Variants in CDK15 observed in about 807,000 individuals in gnomAD.
CDK15 encodes the protein cyclin dependent kinase 15.
Under a neutral mutation model 60.3 loss-of-function variants are expected in CDK15, and 62 were observed. That is an observed-to-expected ratio of 1.03 (90% CI 0.84 to 1.27). The LOEUF (loss-of-function observed/expected upper bound fraction) is 1.27, where lower values mean the gene tolerates loss of function less well. CDK15 is among the 50% of genes most tolerant of loss of function. The probability of loss-of-function intolerance (pLI) is 0.00; values close to 1 mark genes in which losing one functional copy is unlikely to be tolerated. For missense variants in CDK15, 541 were observed against 527.8 expected, an observed-to-expected ratio of 1.03 and a Z score of -0.25; for synonymous variants, 194 against 195.7, an observed-to-expected ratio of 0.99 and a Z score of 0.07.
At chr2:201,891,850 A>G (rs1325876909) in intron 13 of CDK15, among the ~76,000 whole-genome samples, 1 of 152,082 alleles carries the variant, frequency 6.6e-6, no homozygotes, top group Non-Finnish European at 1.5e-5. Context: ...ATTCCAAACC[A>G]CAAGCATTAT....
At chr2:201,890,742 C>T (rs1699615039) in intron 12 of CDK15, 43 bp from the exon 13 acceptor site, 1 of 1,454,100 alleles carries the variant, frequency 6.9e-7, no homozygotes, top group South Asian at 1.2e-5. Context: ...CAGAAGATCC[C>T]AGGAAATAAC....
chr2:201,839,324 C>T (rs1226342164), intron 8 of CDK15, among the ~76,000 whole-genome samples: 1 of 152,084 alleles, frequency 6.6e-6, no homozygotes, highest in African/African-American at 2.4e-5. Context: ...CTGACCTGTA[C>T]TTATTGGAAG....
rs539378637 is a variant in CDK15, at chr2:201,852,738, G to T, written c.946-2136G>T. ...TCAGTTTCCCAGACAGTGAAGGAGA[G>T]ATTTAGTAATTTTCTCAAGTGAAAA... On this transcript the variant is annotated intron_variant, in intron 9 of 13. Coordinates refer to ENST00000652192, the MANE Select transcript of CDK15 (RefSeq NM_001366386.2). 8.5e-5 allele frequency among the ~76,000 whole-genome samples: 13 copies of T among 152,266 alleles called. No individual in the cohort carries two copies. The East Asian group carries it at 2.3e-3, about 27-fold the overall frequency.
chr2:201,834,043 A>T, intron 7 of CDK15, 72 bp downstream of exon 7: 1 of 1,549,390 alleles, frequency 6.5e-7, no homozygotes, highest in Non-Finnish European at 8.7e-7. Flanking sequence ...TTAAGCGTTG[A>T]CTGGGCCTGG....
intron 10 of CDK15, chr2:201,861,168 G>C: frequency 9.8e-7 from 1 of 1,023,706 alleles, no homozygotes; most frequent in Non-Finnish European, 1.2e-6. Context: ...ACTTGAGGAA[G>C]TTACTTATTT....
At chr2:201,852,266 T>C (rs1333690759) in intron 9 of CDK15, among the ~76,000 whole-genome samples, 1 of 152,232 alleles carries the variant, frequency 6.6e-6, no homozygotes, top group Non-Finnish European at 1.5e-5. Flanking sequence ...CTTCAGAATC[T>C]GTGATATTTG....
chr2:201,890,289 C>T (rs1203899645), intron 12 of CDK15, among the ~76,000 whole-genome samples: 1 of 152,164 alleles, frequency 6.6e-6, no homozygotes, highest in East Asian at 1.9e-4. Context: ...CTTGCAGTTC[C>T]CTCAAACACT....
intron 4 of CDK15, among the ~76,000 whole-genome samples, chr2:201,817,346 T>C (rs989499927): frequency 7.2e-5 from 11 of 152,248 alleles, no homozygotes; most frequent in Admixed American, 4.6e-4. Flanking sequence ...TGGTATCTCA[T>C]TGAGGTTTTG....
At chr2:201,885,591 G>A (rs1488092339) in intron 12 of CDK15, among the ~76,000 whole-genome samples, 1 of 152,198 alleles carries the variant, frequency 6.6e-6, no homozygotes, top group Non-Finnish European at 1.5e-5. Flanking sequence ...CGTGGTTTAT[G>A]GGGTTGCATA....
intron 6 of CDK15, among the ~76,000 whole-genome samples, chr2:201,829,791 T>G (rs1287212703): frequency 6.6e-6 from 1 of 151,726 alleles, no homozygotes; most frequent in Non-Finnish European, 1.5e-5. Flanking sequence ...TATGTTTTAT[T>G]TTTTAATTTT....
chr2:201,859,612 T>C (rs1698299684), intron 10 of CDK15, among the ~76,000 whole-genome samples: 2 of 152,170 alleles, frequency 1.3e-5, no homozygotes, highest in Admixed American at 1.3e-4. Context: ...CCAGTACAAT[T>C]TGAGGGAGCC....
In CDK15 at chr2:201,819,443, G is replaced by C. The variant is rs535500375; in HGVS notation, c.449-3366G>C. On this transcript the variant is annotated intron_variant, in intron 4 of 13. Transcript: ENST00000652192. ...CAGGTCACGATGGGCACAGCCAACA[G>C]TAGGGTGGGCAGGAAATCGCAAGTC... Among the ~76,000 whole-genome samples, 4 of 152,328 alleles carry C rather than the reference G, an allele frequency of 2.6e-5. No homozygotes were observed. In the South Asian group the frequency reaches 8.3e-4, roughly 32 times the overall value.
intron 11 of CDK15, among the ~76,000 whole-genome samples, chr2:201,877,342 G>A (rs758656700): frequency 6.6e-6 from 1 of 152,128 alleles, no homozygotes; most frequent in Non-Finnish European, 1.5e-5. Flanking sequence ...GGGAGTATTC[G>A]AGAGAACAAA....
At position 201,854,866 on chromosome 2, in the gene CDK15, T is replaced by C. The variant is rs777481168; in HGVS notation, c.946-8T>C. ...CACCTTTCTTTTTCTTTGTTTGGCT[T>C]TATATAGGTGCTGGGAGTCCCTACA... On this transcript the variant is annotated splice_polypyrimidine_tract_variant and splice_region_variant and intron_variant, in intron 9 of 13. Transcript: ENST00000652192. 4 of 1,613,856 alleles carry C rather than the reference T, an allele frequency of 2.5e-6. No homozygotes were observed.
intron 11 of CDK15, among the ~76,000 whole-genome samples, chr2:201,875,888 G>C (rs939694803): frequency 3.3e-5 from 5 of 152,140 alleles, no homozygotes; most frequent in African/African-American, 4.8e-5. Context: ...CTACAAATAA[G>C]TATGAATTAT....
chr2:201,809,001 T>C (rs1365327325), intron 3 of CDK15, among the ~76,000 whole-genome samples: 1 of 152,168 alleles, frequency 6.6e-6, no homozygotes, highest in Non-Finnish European at 1.5e-5. Flanking sequence ...CTCAGATGAC[T>C]GCAACCTCTG....
intron 12 of CDK15, among the ~76,000 whole-genome samples, chr2:201,880,404 C>T (rs908454622): frequency 1.8e-4 from 28 of 152,194 alleles, no homozygotes; most frequent in African/African-American, 6.5e-4. Context: ...ACAAGGACCT[C>T]TTTGTAATGG....
At position 201,870,283 on chromosome 2, in the gene CDK15, T is replaced by C. The variant is rs1347905403; in HGVS notation, c.1010-1995T>C. Among the ~76,000 whole-genome samples the C allele has an allele frequency of 2.0e-5, 3 of 152,190 alleles. No homozygotes were observed. In the South Asian group the frequency reaches 6.2e-4, roughly 32 times the overall value. On this transcript the variant is annotated intron_variant, in intron 10 of 13. Transcript: ENST00000652192. ...ACTATCTAGTGAGTAGTCTTCCAGA[T>C]CTATGTGCATGCCAACATGAACAGA...
intron 8 of CDK15, among the ~76,000 whole-genome samples, chr2:201,846,364 G>C (rs1220189557): frequency 6.6e-6 from 1 of 151,918 alleles, no homozygotes; most frequent in Non-Finnish European, 1.5e-5. Flanking sequence ...ATGGTGGCAG[G>C]TGCCTGTAAT....
Sources: gnomAD v4.1 joint callset for allele counts (sites outside exome capture counted in the v4.1 genomes callset) on GRCh38, gnomAD v4.1.1 for gene constraint, MANE v1.5 for transcripts, NCBI Gene and HGNC (gene_info 2026-07-23, HGNC 2026-07-21) for gene names.